The following C10orf90 variants were observed in gnomAD, a reference collection of about 807,000 sequenced individuals.
The protein encoded by C10orf90 is (E2-independent) E3 ubiquitin-conjugating enzyme FATS.
C10orf90 carries 56 observed loss-of-function variants against 62.5 expected under a neutral mutation model. That is an observed-to-expected ratio of 0.90 (90% CI 0.72 to 1.12). The LOEUF (loss-of-function observed/expected upper bound fraction) is 1.12, where lower values mean the gene tolerates loss of function less well. Among genes scored for constraint, C10orf90 ranks in the 50% most tolerant of loss-of-function variants. The pLI is 0.00. For synonymous variants in C10orf90, 386 were observed against 340.4 expected (o/e 1.13, Z -1.47); for missense variants, 970 against 880.4 (o/e 1.10, Z -1.29).
intron 2 of C10orf90, among the ~76,000 whole-genome samples, chr10:126,587,582 A>G (rs1844898007): frequency 6.6e-6 from 1 of 152,156 alleles, no homozygotes; most frequent in African/African-American, 2.4e-5. Context: ...CAAAGACCCC[A>G]TCTCCCAATG....
chr10:126,600,345 T>C (rs897812641), intron 2 of C10orf90, among the ~76,000 whole-genome samples: 1 of 152,178 alleles, frequency 6.6e-6, no homozygotes, highest in African/African-American at 2.4e-5. Context: ...AGGGCAATAT[T>C]ATTATCTTCT....
chr10:126,549,763 T>G (rs985047489), intron 2 of C10orf90, among the ~76,000 whole-genome samples: 1 of 143,724 alleles, frequency 7.0e-6, no homozygotes, highest in South Asian at 2.2e-4. Context: ...AAAAAAAAAT[T>G]TAAGAACAAC....
At chr10:126,525,349 C>G (rs577385610) in intron 2 of C10orf90, among the ~76,000 whole-genome samples, 3 of 152,192 alleles carry the variant, frequency 2.0e-5, no homozygotes, top group Non-Finnish European at 4.4e-5. Context: ...ATTATGTAAA[C>G]AAGACACAAA....
At chr10:126,609,782 C>T (rs1049739667) in intron 2 of C10orf90, among the ~76,000 whole-genome samples, 3 of 152,194 alleles carry the variant, frequency 2.0e-5, no homozygotes, top group Non-Finnish European at 2.9e-5. Flanking sequence ...TGATGGCCCA[C>T]GTGGCTCTGC....
Position 126,464,806 on chromosome 10 carries a change from C to T in C10orf90, c.1715G>A (p.Ser572Asn). The change falls in exon 5 of 10, where the codon AGC becomes AAC. Residue 572 changes from serine (S) to asparagine (N), a missense_variant. Transcript: ENST00000488181. ...LSEPTERRHQSFLKPRILFPG... is the reference protein window; with the variant it reads ...LSEPTERRHQNFLKPRILFPG... ...AAAAAGGATTCTGGGTTTCAGGAAG[C>T]TTTGATGTCGTCTCTCTGTGGGCTC... The T allele has an allele frequency of 6.2e-7, 1 of 1,614,110 alleles. No individual in the cohort carries two copies. Among genetic ancestry groups the T allele is most frequent in the Non-Finnish European group, 8.5e-7 (1 of 1,180,032 alleles).
chr10:126,600,790 T>A (rs1201240058), intron 2 of C10orf90, among the ~76,000 whole-genome samples: 1 of 152,126 alleles, frequency 6.6e-6, no homozygotes, highest in East Asian at 1.9e-4. Context: ...AAATGCAGTA[T>A]CTTACCTTAA....
chr10:126,506,318 G>A lies in C10orf90; in HGVS notation c.406-1233C>T, dbSNP rs189423020. Reference sequence around the variant, plus strand: ...ACTACAAAATACAACATGGAAGATGGACTACACCCCAGCACTTAGTGAAGG... The same window carrying A: ...ACTACAAAATACAACATGGAAGATGAACTACACCCCAGCACTTAGTGAAGG... On this transcript the variant is annotated intron_variant, in intron 3 of 9. Coordinates refer to ENST00000488181, the MANE Select transcript of C10orf90 (RefSeq NM_001350921.2). 3.3e-5 allele frequency among the ~76,000 whole-genome samples: 5 copies of A among 152,168 alleles called. No individual in the cohort carries two copies. The East Asian group carries it at 9.6e-4, about 29-fold the overall frequency.
chr10:126,491,535 T>C (rs918284257), intron 4 of C10orf90, among the ~76,000 whole-genome samples: 3 of 152,206 alleles, frequency 2.0e-5, no homozygotes, highest in African/African-American at 4.8e-5. Context: ...AAAAGTATGA[T>C]GGCATCGGGA....
chr10:126,512,311 G>GTGTC (rs1863158374), intron 3 of C10orf90, among the ~76,000 whole-genome samples: 5 of 149,316 alleles, frequency 3.3e-5, no homozygotes, highest in African/African-American at 1.2e-4. Flanking sequence ...GTGTGTGTCT[G>GTGTC]TGTGTGTGTG....
chr10:126,524,940 A>G, intron 2 of C10orf90: 1 of 741,570 alleles, frequency 1.3e-6, no homozygotes, highest in Non-Finnish European at 1.6e-6. Context: ...ATTACATAGT[A>G]TTGAAAGTCA....
intron 7 of C10orf90, among the ~76,000 whole-genome samples, chr10:126,442,646 T>G (rs1590905878): frequency 4.5e-5 from 1 of 22,440 alleles, no homozygotes; most frequent in South Asian, 1.6e-3. Context: ...TATATATATA[T>G]ATATATATAT....
chr10:126,509,301 C>T (rs1311007056), intron 3 of C10orf90, among the ~76,000 whole-genome samples: 1 of 152,144 alleles, frequency 6.6e-6, no homozygotes, highest in African/African-American at 2.4e-5. Context: ...AATAGATTTG[C>T]CCTCTCAAAA....
chr10:126,536,232 A>G (rs1403235673), intron 2 of C10orf90, among the ~76,000 whole-genome samples: 3 of 152,134 alleles, frequency 2.0e-5, no homozygotes, highest in African/African-American at 7.2e-5. Flanking sequence ...ACTACTTTGA[A>G]CTTGGGGAAG....
intron 2 of C10orf90, among the ~76,000 whole-genome samples, chr10:126,570,977 A>T (rs1844493214): frequency 6.6e-6 from 1 of 152,212 alleles, no homozygotes; most frequent in African/African-American, 2.4e-5. Flanking sequence ...GCAGTCTCCA[A>T]TGCCATTTCC....
intron 6 of C10orf90, 74 bp from the exon 7 acceptor site, chr10:126,459,291 C>T: frequency 5.1e-6 from 8 of 1,556,038 alleles, no homozygotes; most frequent in Non-Finnish European, 2.6e-6. Flanking sequence ...TCTGATGCAG[C>T]CAAGAAGCCG....
At chr10:126,547,498 G>GAAAAA (rs34204650) in intron 2 of C10orf90, among the ~76,000 whole-genome samples, 1 of 114,188 alleles carries the variant, frequency 8.8e-6, no homozygotes, top group African/African-American at 3.4e-5. Context: ...TTAACTGAGT[G>GAAAAA]AAAAAAAAAA....
intron 7 of C10orf90, among the ~76,000 whole-genome samples, chr10:126,457,823 C>A (rs1055987375): frequency 7.2e-5 from 11 of 152,126 alleles, no homozygotes; most frequent in Non-Finnish European, 8.8e-5. Context: ...CTTTATTAGG[C>A]CAGAGATGAA....
intron 2 of C10orf90, among the ~76,000 whole-genome samples, chr10:126,618,982 A>T (rs1845594544): frequency 6.6e-6 from 1 of 151,530 alleles, no homozygotes; most frequent in African/African-American, 2.4e-5. Context: ...TACACCATGG[A>T]ATACTATGCA....
chr10:126,532,862 G>GAA lies in C10orf90; in HGVS notation c.314-18924_314-18923insTT, dbSNP rs1564860259. 5.0e-4 allele frequency among the ~76,000 whole-genome samples: 11 copies of GAA among 22,142 alleles called. 5 individuals are homozygous for GAA. Among genetic ancestry groups the GAA allele is most frequent in the Non-Finnish European group, 1.1e-3 (9 of 8,000 alleles). The allele number at this position is 22,142 out of a possible 152,430, so 14.5% of individuals were successfully genotyped here. On this transcript the variant is annotated intron_variant, in intron 2 of 9. Transcript: ENST00000488181. ...CGTCTCAAAAAAAAAAAAAAATAGT[G>GAA]AGCACAAAACAAGTGTTTTCAAAAA...
Sources: allele counts gnomAD v4.1 joint callset (sites outside exome capture counted in the v4.1 genomes callset), GRCh38; gene constraint gnomAD v4.1.1; transcripts MANE v1.5; gene names NCBI Gene and HGNC (gene_info 2026-07-23, HGNC 2026-07-21).